Variants in CHST11 observed in about 807,000 individuals in gnomAD.
CHST11 encodes carbohydrate sulfotransferase 11.
Under a neutral mutation model 30.4 loss-of-function variants are expected in CHST11, and 9 were observed. The ratio of observed to expected loss-of-function variants is 0.30; its 90% CI spans 0.18 to 0.52. The LOEUF is 0.52. Ranked by LOEUF, CHST11 falls within the 20% of genes least tolerant of loss-of-function variation. CHST11 has a pLI of 0.97. For synonymous variants in CHST11, 152 were observed against 187.8 expected, an observed-to-expected ratio of 0.81 and a Z score of 1.56; for missense variants, 348 against 460.6, an observed-to-expected ratio of 0.76 and a Z score of 2.24.
intron 2 of CHST11, among the ~76,000 whole-genome samples, chr12:104,687,783 C>A (rs980313364): frequency 2.0e-5 from 3 of 152,270 alleles, no homozygotes; most frequent in Admixed American, 6.5e-5. Flanking sequence ...CCCGCCCCCC[C>A]CAAAATTTTT....
At chr12:104,575,218 A>G (rs1565993084) in intron 1 of CHST11, among the ~76,000 whole-genome samples, 2 of 151,894 alleles carry the variant, frequency 1.3e-5, no homozygotes. Flanking sequence ...GTGTAGGACC[A>G]CAGGCCCACA....
At chr12:104,724,292 C>T (rs978953005) in intron 2 of CHST11, among the ~76,000 whole-genome samples, 3 of 103,162 alleles carry the variant, frequency 2.9e-5, no homozygotes, top group Non-Finnish European at 5.9e-5. Context: ...GGATGGCTAC[C>T]AGGGGCTTGG....
intron 2 of CHST11, among the ~76,000 whole-genome samples, chr12:104,639,249 T>G (rs185901841): frequency 1.2e-3 from 185 of 152,310 alleles, no homozygotes; most frequent in African/African-American, 3.7e-3. Context: ...AAGACATACT[T>G]GTGTATTACA....
At chr12:104,513,123 T>TTGGGGGG (rs1555229063) in intron 1 of CHST11, among the ~76,000 whole-genome samples, 1 of 3,384 alleles carries the variant, frequency 3.0e-4, no homozygotes, top group African/African-American at 1.5e-3. Flanking sequence ...ATGTCATGAC[T>TTGGGGGG]GGGGGGGGGG....
In CHST11 at chr12:104,639,264, G is replaced by A. The variant is rs143872094; in HGVS notation, c.204+37273G>A. ...AAGACATACTTGTGTATTACAGGTT[G>A]AAGATTAAGATGGCAAAATACTTTA... On this transcript the variant is annotated intron_variant, in intron 2 of 2. Transcript: ENST00000303694. Among the ~76,000 whole-genome samples the A allele has an allele frequency of 4.0e-3, 603 of 152,306 alleles. 6 individuals are homozygous for A. The highest frequency in any genetic ancestry group is 0.014 in the African/African-American group (567 of 41,552).
At chr12:104,722,642 C>T (rs1363683198) in intron 2 of CHST11, among the ~76,000 whole-genome samples, 19 of 152,024 alleles carry the variant, frequency 1.2e-4, no homozygotes. Flanking sequence ...GGCACCTGTT[C>T]CTTCCTGTGA....
intron 2 of CHST11, among the ~76,000 whole-genome samples, chr12:104,726,278 G>A (rs1004551344): frequency 1.3e-5 from 2 of 152,174 alleles, no homozygotes; most frequent in Non-Finnish European, 2.9e-5. Flanking sequence ...GACAGACCTT[G>A]TCAAAATTGG....
chr12:104,691,667 C>T (rs1183606955), intron 2 of CHST11, among the ~76,000 whole-genome samples: 7 of 151,694 alleles, frequency 4.6e-5, no homozygotes, highest in African/African-American at 1.7e-4. Flanking sequence ...TTTTTTTATT[C>T]TTCATACAGT....
intron 1 of CHST11, among the ~76,000 whole-genome samples, chr12:104,507,428 C>T (rs754488121): frequency 8.5e-5 from 13 of 152,178 alleles, no homozygotes; most frequent in Admixed American, 5.2e-4. Flanking sequence ...GCTTTGGCAC[C>T]GCTGCCTGCT....
chr12:104,544,978 C>T (rs1188387600), intron 1 of CHST11, among the ~76,000 whole-genome samples: 2 of 152,042 alleles, frequency 1.3e-5, no homozygotes, highest in Non-Finnish European at 2.9e-5. Context: ...CACAGGGCAG[C>T]GTCCTTGTTC....
intron 2 of CHST11, among the ~76,000 whole-genome samples, chr12:104,691,510 A>G (rs1457455856): frequency 3.5e-5 from 5 of 141,290 alleles, no homozygotes; most frequent in Non-Finnish European, 6.1e-5. Context: ...TTTTTTTGAG[A>G]TGGAGTCTCA....
chr12:104,521,403 G>C (rs944119849), intron 1 of CHST11, among the ~76,000 whole-genome samples: 1 of 152,200 alleles, frequency 6.6e-6, no homozygotes. Flanking sequence ...TGGTCAGCCT[G>C]GTTGTGACTG....
chr12:104,488,566 C>T lies in CHST11; in HGVS notation c.118+31037C>T, dbSNP rs187462509. 3.2e-3 allele frequency among the ~76,000 whole-genome samples: 354 copies of T among 112,000 alleles called. 2 individuals are homozygous for T. Among genetic ancestry groups the T allele is most frequent in the African/African-American group, 0.01 (313 of 31,182 alleles). 73.5% of individuals were successfully genotyped at this position (112,000 alleles called of 152,430 possible). ...ATGTGTGCGTGTATGTGTGTGTATG[C>T]GTGTGTATGTGTGTGTATGTATGCG... On this transcript the variant is annotated intron_variant, in intron 1 of 2. Coordinates refer to ENST00000303694, the MANE Select transcript of CHST11 (RefSeq NM_018413.6).
intron 2 of CHST11, among the ~76,000 whole-genome samples, chr12:104,728,684 C>G (rs1436612548): frequency 6.6e-6 from 1 of 152,290 alleles, no homozygotes; most frequent in Non-Finnish European, 1.5e-5. Flanking sequence ...GAACTGAGGG[C>G]CTTGATCCTC....
rs1036559694 is a variant in CHST11 at position 104,759,398 on chromosome 12, C to T, written c.*1595C>T. The T allele has an allele frequency of 1.3e-5, 2 of 151,756 alleles. No homozygotes were observed. Among genetic ancestry groups the T allele is most frequent in the Admixed American group, 6.6e-5 (1 of 15,236 alleles). 9.4% of individuals were successfully genotyped at this position (151,756 alleles called of 1,614,324 possible). Reference sequence around the variant, plus strand: ...TCTCAGTTGAAGTTTGAGCCACATCCCTCTTACAGCTAGTGAATGAGTTGG... The same window carrying T: ...TCTCAGTTGAAGTTTGAGCCACATCTCTCTTACAGCTAGTGAATGAGTTGG... On this transcript the variant is annotated 3_prime_UTR_variant, in exon 3 of 3. Coordinates refer to ENST00000303694, the MANE Select transcript of CHST11 (RefSeq NM_018413.6).
At chr12:104,679,750 A>T (rs2039776909) in intron 2 of CHST11, among the ~76,000 whole-genome samples, 3 of 152,154 alleles carry the variant, frequency 2.0e-5, no homozygotes, top group Non-Finnish European at 4.4e-5. Flanking sequence ...TTCATGGTAG[A>T]GCACAGAGAA....
intron 1 of CHST11, among the ~76,000 whole-genome samples, chr12:104,544,007 C>T (rs2038310661): frequency 6.6e-6 from 1 of 151,624 alleles, no homozygotes; most frequent in African/African-American, 2.4e-5. Flanking sequence ...ACCTGTAGTC[C>T]TGGCTACTCG....
At chr12:104,651,704 C>T (rs1036700290) in intron 2 of CHST11, among the ~76,000 whole-genome samples, 1 of 152,332 alleles carries the variant, frequency 6.6e-6, no homozygotes, top group South Asian at 2.1e-4. Flanking sequence ...CCTATGATTC[C>T]CAGCCCAGCA....
At chr12:104,629,401 T>G (rs1460021441) in intron 2 of CHST11, among the ~76,000 whole-genome samples, 1 of 152,244 alleles carries the variant, frequency 6.6e-6, no homozygotes, top group Non-Finnish European at 1.5e-5. Context: ...AGTGGCTTGC[T>G]TCTTCAAGGC....
Sources: gnomAD v4.1 joint callset for allele counts (sites outside exome capture counted in the v4.1 genomes callset) on GRCh38, gnomAD v4.1.1 for gene constraint, MANE v1.5 for transcripts, NCBI Gene and HGNC (gene_info 2026-07-23, HGNC 2026-07-21) for gene names.